Variants in LUZP2 observed in about 807,000 individuals in gnomAD.
LUZP2 encodes leucine zipper protein 2.
Under a neutral mutation model 51.6 loss-of-function variants are expected in LUZP2, and 52 were observed. The observed-to-expected ratio is 1.01, with a 90% CI of 0.81 to 1.27. The LOEUF (loss-of-function observed/expected upper bound fraction) is 1.27. LUZP2 is among the 50% of genes most tolerant of loss of function. The pLI is 0.00. For synonymous variants in LUZP2, 154 were observed against 137.3 expected (o/e 1.12, Z -0.85); for missense variants, 436 against 395.4 (o/e 1.10, Z -0.87).
chr11:24,511,695 T>C (rs1850316362), intron 1 of LUZP2, among the ~76,000 whole-genome samples: 1 of 152,226 alleles, frequency 6.6e-6, no homozygotes, highest in Non-Finnish European at 1.5e-5. Context: ...TTATGATTTA[T>C]ATTGTGGTTT....
chr11:24,763,099 G>A lies in LUZP2; in HGVS notation c.334-147G>A, dbSNP rs981253447. 4 of 540,346 alleles carry A rather than the reference G, an allele frequency of 7.4e-6. No homozygotes were observed. The African/African-American group carries it at 8.2e-5, about 11-fold the overall frequency. The allele number at this position is 540,346 out of a possible 1,614,324, so 33.5% of individuals were successfully genotyped here. ...TATATGTGTGAATTTAGTAATGAAGGTTTTGATTAAGGAACAGTGTAATTC... is the reference window on the plus strand; with the variant it reads ...TATATGTGTGAATTTAGTAATGAAGATTTTGATTAAGGAACAGTGTAATTC... On this transcript the variant is annotated intron_variant, in intron 4 of 11. Transcript: ENST00000336930.
intron 1 of LUZP2, among the ~76,000 whole-genome samples, chr11:24,537,068 G>A (rs1851199647): frequency 6.6e-6 from 1 of 151,806 alleles, no homozygotes; most frequent in South Asian, 2.1e-4. Flanking sequence ...GTCTTCCATG[G>A]TGTGGTTTGT....
At chr11:24,786,667 A>T (rs1297082756) in intron 5 of LUZP2, 1 of 149,916 alleles carries the variant, frequency 6.7e-6, no homozygotes, top group Non-Finnish European at 1.5e-5. Flanking sequence ...ATAATATATA[A>T]ATATGTATAT....
At chr11:24,891,052 T>C in intron 5 of LUZP2, 2 of 984,056 alleles carry the variant, frequency 2.0e-6, no homozygotes, top group African/African-American at 3.5e-5. Flanking sequence ...TGTTAAAAAG[T>C]TATAAATAGC....
chr11:24,748,537 G>A (rs532510390), intron 4 of LUZP2, among the ~76,000 whole-genome samples: 1 of 151,318 alleles, frequency 6.6e-6, no homozygotes, highest in African/African-American at 2.4e-5. Context: ...TCAGCTCCCT[G>A]CAACCTCCAC....
intron 6 of LUZP2, among the ~76,000 whole-genome samples, chr11:24,912,579 T>C (rs1853669326): frequency 6.6e-6 from 1 of 152,022 alleles, no homozygotes; most frequent in Admixed American, 6.6e-5. Context: ...GATGCTGAGG[T>C]GGGCAGATTG....
chr11:24,833,660 A>G (rs1850766506), intron 5 of LUZP2, among the ~76,000 whole-genome samples: 1 of 151,890 alleles, frequency 6.6e-6, no homozygotes, highest in South Asian at 2.1e-4. Context: ...TGGAGCTCAG[A>G]CACCCATAGT....
chr11:24,750,368 C>T (rs899948283), intron 4 of LUZP2, among the ~76,000 whole-genome samples: 1 of 152,166 alleles, frequency 6.6e-6, no homozygotes, highest in Non-Finnish European at 1.5e-5. Context: ...TTGCATTATA[C>T]TTGCCTCTTT....
At chr11:24,544,237 G>A (rs902529814) in intron 1 of LUZP2, among the ~76,000 whole-genome samples, 10 of 152,028 alleles carry the variant, frequency 6.6e-5, no homozygotes, top group Admixed American at 3.3e-4. Context: ...TCCAGTTTGC[G>A]TCATCCTGAT....
chr11:24,865,819 A>AT (rs1851876780), intron 5 of LUZP2, among the ~76,000 whole-genome samples: 2 of 148,788 alleles, frequency 1.3e-5, no homozygotes, highest in African/African-American at 2.5e-5. Context: ...TTATGTATTT[A>AT]TTTTTTTTGA....
intron 9 of LUZP2, among the ~76,000 whole-genome samples, chr11:25,044,507 T>C (rs960346343): frequency 3.9e-5 from 6 of 152,012 alleles, no homozygotes; most frequent in African/African-American, 1.2e-4. Flanking sequence ...GTTCATTAAT[T>C]AAATATTATG....
chr11:24,656,449 C>G (rs768855935), intron 1 of LUZP2, among the ~76,000 whole-genome samples: 6 of 152,116 alleles, frequency 3.9e-5, no homozygotes, highest in Non-Finnish European at 7.3e-5. Context: ...GCTTCTGTAA[C>G]AAATTACCAC....
At chr11:24,868,090 C>A (rs931527827) in intron 5 of LUZP2, among the ~76,000 whole-genome samples, 2 of 152,160 alleles carry the variant, frequency 1.3e-5, no homozygotes, top group East Asian at 1.9e-4. Context: ...CCTTCCTACA[C>A]CTCTCAGACC....
intron 7 of LUZP2, among the ~76,000 whole-genome samples, chr11:24,960,919 T>G (rs1327355878): frequency 6.6e-6 from 1 of 152,208 alleles, no homozygotes; most frequent in Non-Finnish European, 1.5e-5. Context: ...CTGCTTTGAA[T>G]GTGTCCCAGA....
intron 9 of LUZP2, among the ~76,000 whole-genome samples, chr11:25,037,460 G>T (rs1441847883): frequency 6.6e-6 from 1 of 152,008 alleles, no homozygotes; most frequent in East Asian, 1.9e-4. Context: ...TACATTCAAG[G>T]TTAATACTGA....
chr11:24,882,909 GAAAGAAGA>G (rs1321102187), intron 5 of LUZP2, among the ~76,000 whole-genome samples: 23 of 140,596 alleles, frequency 1.6e-4, no homozygotes, highest in African/African-American at 5.5e-4. Context: ...GAAAGAGAAA[GAAAGAAGA>G]AAGAAAGAAC....
intron 5 of LUZP2, among the ~76,000 whole-genome samples, chr11:24,897,386 C>G (rs897320466): frequency 1.3e-5 from 2 of 152,170 alleles, no homozygotes; most frequent in Admixed American, 1.3e-4. Context: ...TTCTTTGGGT[C>G]TGCGTTGTTT....
At chr11:24,922,502 A>C (rs1854090985) in intron 7 of LUZP2, among the ~76,000 whole-genome samples, 6 of 152,320 alleles carry the variant, frequency 3.9e-5, no homozygotes, top group Middle Eastern at 3.4e-3. Flanking sequence ...TATGTCATCC[A>C]CATGTTAAAC....
At chr11:24,656,539 G>A (rs1855809903) in intron 1 of LUZP2, among the ~76,000 whole-genome samples, 1 of 152,170 alleles carries the variant, frequency 6.6e-6, no homozygotes, top group African/African-American at 2.4e-5. Context: ...TGTCACTGAG[G>A]TAAAATCAAG....
Sources: allele counts gnomAD v4.1 joint callset (sites outside exome capture counted in the v4.1 genomes callset), GRCh38; gene constraint gnomAD v4.1.1; transcripts MANE v1.5; gene names NCBI Gene and HGNC (gene_info 2026-07-23, HGNC 2026-07-21).